TRHDE: variants seen among roughly 807,000 people sequenced by gnomAD.
TRHDE encodes the protein thyrotropin releasing hormone degrading enzyme.
In TRHDE, 72 loss-of-function variants were observed where a neutral mutation model predicts 125.7. That is an observed-to-expected ratio of 0.57 (90% confidence interval 0.47 to 0.70). The LOEUF (loss-of-function observed/expected upper bound fraction) is 0.70. Ranked by LOEUF, TRHDE falls within the 30% of genes least tolerant of loss-of-function variation. The probability of loss-of-function intolerance (pLI) is 0.00; values close to 1 mark genes in which losing one functional copy is unlikely to be tolerated. For synonymous variants in TRHDE, 509 were observed against 509.1 expected (o/e 1.00, Z 0.00); for missense variants, 1,110 against 1,327.1 (o/e 0.84, Z 2.54).
intron 2 of TRHDE, among the ~76,000 whole-genome samples, chr12:72,110,251 G>A (rs1305746404): frequency 6.6e-6 from 1 of 151,988 alleles, no homozygotes; most frequent in African/African-American, 2.4e-5. Context: ...CTCCAAGCGA[G>A]GTCATGTATA....
intron 2 of TRHDE, among the ~76,000 whole-genome samples, chr12:72,316,860 A>T (rs1294692035): frequency 6.6e-6 from 1 of 152,222 alleles, no homozygotes; most frequent in South Asian, 2.1e-4. Context: ...TGTATAAGTT[A>T]CATGATTATC....
At chr12:72,490,230 G>T (rs966114371) in intron 5 of TRHDE, among the ~76,000 whole-genome samples, 15 of 151,816 alleles carry the variant, frequency 9.9e-5, no homozygotes, top group Non-Finnish European at 2.1e-4. Flanking sequence ...TATATGAAAA[G>T]ATGCTCAACA....
intron 2 of TRHDE, among the ~76,000 whole-genome samples, chr12:72,370,484 T>C (rs148454511): frequency 3.9e-4 from 59 of 152,330 alleles, no homozygotes; most frequent in African/African-American, 1.3e-3. Flanking sequence ...GGTATTAAAT[T>C]CATATTTTGC....
At chr12:72,227,279 T>C (rs561598363) in intron 2 of TRHDE, among the ~76,000 whole-genome samples, 14 of 152,284 alleles carry the variant, frequency 9.2e-5, no homozygotes, top group Admixed American at 2.6e-4. Context: ...TAGTTCCACA[T>C]GGCTGGGAAG....
rs1872935710 is a variant in TRHDE, at chr12:72,619,003, T to G, written c.2434T>G (p.Leu812Val). ...CCGAGCTCTTTATCCTCTAGATAAA[T>G]TACTGGACCGCATGGAAAACTACAA... ...ASRALYPLDK[L>V]LDRMENYNIF... is the part of the protein sequence containing the mutation. The change falls in exon 13 of 19, where the codon TTA becomes GTA. Residue 812 changes from leucine to valine, a missense_variant. Around this residue, in one of 5 missense-constraint regions of TRHDE, gnomAD observed 527 missense variants for 651.8 expected, o/e 0.81. Coordinates refer to ENST00000261180, the MANE Select transcript of TRHDE (RefSeq NM_013381.3). The G allele has an allele frequency of 6.3e-7, 1 of 1,584,470 alleles. No homozygotes were observed. The highest frequency in any genetic ancestry group is 8.6e-7 in the Non-Finnish European group (1 of 1,167,544).
chr12:72,150,990 G>T (rs1173319177), intron 2 of TRHDE, among the ~76,000 whole-genome samples: 1 of 152,138 alleles, frequency 6.6e-6, no homozygotes, highest in Non-Finnish European at 1.5e-5. Context: ...TTCCACAATG[G>T]TTGAACTAGT....
At chr12:72,090,447 C>A (rs74101980) in intron 1 of TRHDE, among the ~76,000 whole-genome samples, 198 of 152,242 alleles carry the variant, frequency 1.3e-3, no homozygotes, top group African/African-American at 4.1e-3. Context: ...AGTGGTTGTT[C>A]ACGTTTTACT....
At chr12:72,567,779 T>C (rs1870521128) in intron 9 of TRHDE, among the ~76,000 whole-genome samples, 1 of 152,094 alleles carries the variant, frequency 6.6e-6, no homozygotes, top group Non-Finnish European at 1.5e-5. Flanking sequence ...ATATAGTCAT[T>C]GGACTTATTG....
chr12:72,630,588 G>A (rs531621190), intron 15 of TRHDE, among the ~76,000 whole-genome samples: 53 of 151,658 alleles, frequency 3.5e-4, no homozygotes, highest in Non-Finnish European at 6.3e-4. Context: ...TTCAAGCCTT[G>A]ATGTATAATC....
intron 12 of TRHDE, among the ~76,000 whole-genome samples, chr12:72,607,512 GTT>G (rs61268572): frequency 3.4e-4 from 51 of 150,802 alleles, no homozygotes; most frequent in African/African-American, 1.2e-3. Flanking sequence ...CAGTGATACA[GTT>G]TTTTTTAAAA....
At chr12:72,615,494 A>G (rs1196423008) in intron 12 of TRHDE, among the ~76,000 whole-genome samples, 1 of 152,120 alleles carries the variant, frequency 6.6e-6, no homozygotes, top group Non-Finnish European at 1.5e-5. Flanking sequence ...CACACATCTG[A>G]GCTAGGTAAC....
At chr12:72,220,590 A>G (rs1877981516) in intron 2 of TRHDE, among the ~76,000 whole-genome samples, 1 of 152,084 alleles carries the variant, frequency 6.6e-6, no homozygotes, top group Non-Finnish European at 1.5e-5. Flanking sequence ...TTGTTCCTGT[A>G]GTGTCTTCAT....
chr12:72,405,479 A>G (rs548801724), intron 3 of TRHDE, among the ~76,000 whole-genome samples: 1 of 152,174 alleles, frequency 6.6e-6, no homozygotes, highest in East Asian at 1.9e-4. Flanking sequence ...CTGGTCTCTA[A>G]TATTTGCTTA....
intron 5 of TRHDE, among the ~76,000 whole-genome samples, chr12:72,483,396 A>G (rs951034216): frequency 1.3e-5 from 2 of 152,002 alleles, no homozygotes; most frequent in African/African-American, 4.8e-5. Flanking sequence ...TATGTATGAA[A>G]TCCCCATGTT....
chr12:72,342,301 AC>A (rs1870119996), intron 2 of TRHDE, among the ~76,000 whole-genome samples: 1 of 152,148 alleles, frequency 6.6e-6, no homozygotes, highest in East Asian at 1.9e-4. Context: ...AATCTGCCAT[AC>A]TAAGAATTTG....
At chr12:72,130,001 T>C (rs1314898015) in intron 2 of TRHDE, among the ~76,000 whole-genome samples, 1 of 152,196 alleles carries the variant, frequency 6.6e-6, no homozygotes, top group Non-Finnish European at 1.5e-5. Context: ...TGTTAGAACA[T>C]GTTAAAGATT....
At chr12:72,436,239 T>C (rs1874739670) in intron 3 of TRHDE, among the ~76,000 whole-genome samples, 1 of 152,046 alleles carries the variant, frequency 6.6e-6, no homozygotes. Context: ...CCTTTGAAAA[T>C]ATCATGTCAG....
At chr12:72,183,377 T>G (rs1341014201) in intron 2 of TRHDE, among the ~76,000 whole-genome samples, 3 of 152,220 alleles carry the variant, frequency 2.0e-5, no homozygotes, top group Admixed American at 6.5e-5. Flanking sequence ...TAAGGAGCAC[T>G]TAGTAAAATC....
Position 72,537,952 on chromosome 12 carries a change from C to A in TRHDE, c.1723-4339C>A, listed in dbSNP as rs1868950645. Among the ~76,000 whole-genome samples, 3 of 152,124 alleles carry A rather than the reference C, an allele frequency of 2.0e-5. No individual in the cohort carries two copies. In the South Asian group the frequency reaches 6.2e-4, roughly 32 times the overall value. Reference sequence around the variant, plus strand: ...ATGTATCTTTTCTTATTTCTTATTTCCCTTTTCTGCCTCAGTCCTGTCTCA... The same window carrying A: ...ATGTATCTTTTCTTATTTCTTATTTACCTTTTCTGCCTCAGTCCTGTCTCA... On this transcript the variant is annotated intron_variant, in intron 6 of 18. Coordinates refer to ENST00000261180, the MANE Select transcript of TRHDE (RefSeq NM_013381.3).
Sources: allele counts gnomAD v4.1 joint callset (sites outside exome capture counted in the v4.1 genomes callset), GRCh38; gene constraint gnomAD v4.1.1; regional missense constraint gnomAD v4.1.1; transcripts MANE v1.5; gene names NCBI Gene and HGNC (gene_info 2026-07-23, HGNC 2026-07-21).